The following CTNNA3 variants were observed in gnomAD, a reference collection of about 807,000 sequenced individuals.
CTNNA3 encodes catenin alpha 3, also known as catenin alpha-3.
Under a neutral mutation model 95.7 loss-of-function variants are expected in CTNNA3, and 76 were observed. The observed-to-expected ratio is 0.79, with a 90% CI of 0.66 to 0.96. The LOEUF (loss-of-function observed/expected upper bound fraction) is 0.96. CTNNA3 is among the 40% of genes least tolerant of loss of function. The pLI, the probability that CTNNA3 is intolerant of heterozygous loss-of-function variation, is 0.00. For synonymous variants in CTNNA3, 431 were observed against 374.4 expected, an observed-to-expected ratio of 1.15 and a Z score of -1.74; for missense variants, 1,191 against 1,089.8, an observed-to-expected ratio of 1.09 and a Z score of -1.31.
chr10:67,534,174 T>C (rs6480270), intron 4 of CTNNA3, among the ~76,000 whole-genome samples: 30,037 of 151,788 alleles, frequency 0.2, 4,933 homozygotes, highest in African/African-American at 0.46. Context: ...GTCCTCTGTT[T>C]TGGGGGAAAA....
intron 15 of CTNNA3, among the ~76,000 whole-genome samples, chr10:66,025,590 G>A (rs1005027294): frequency 5.3e-5 from 8 of 152,090 alleles, no homozygotes; most frequent in African/African-American, 1.7e-4. Flanking sequence ...TCACATCTAT[G>A]CTTTGTTCAC....
intron 7 of CTNNA3, among the ~76,000 whole-genome samples, chr10:66,845,206 A>C (rs936671280): frequency 6.6e-6 from 1 of 152,210 alleles, no homozygotes; most frequent in Non-Finnish European, 1.5e-5. Flanking sequence ...AAAGGTATGC[A>C]CTGAATATAA....
At chr10:67,130,328 T>C (rs1045019158) in intron 7 of CTNNA3, among the ~76,000 whole-genome samples, 2 of 152,086 alleles carry the variant, frequency 1.3e-5, no homozygotes, top group African/African-American at 4.8e-5. Flanking sequence ...CTAGATCCAC[T>C]TATAGGGCAG....
chr10:66,667,992 A>G (rs997943618), intron 9 of CTNNA3, among the ~76,000 whole-genome samples: 3 of 152,198 alleles, frequency 2.0e-5, no homozygotes, highest in African/African-American at 7.2e-5. Context: ...TTGATTTACT[A>G]ATAACAAACT....
At chr10:66,637,608 T>C (rs1040399015) in intron 9 of CTNNA3, among the ~76,000 whole-genome samples, 1 of 152,236 alleles carries the variant, frequency 6.6e-6, no homozygotes. Flanking sequence ...GCTCAGTGTA[T>C]GCCGTTTTGT....
chr10:67,604,628 G>C (rs527388724), intron 3 of CTNNA3, among the ~76,000 whole-genome samples: 3 of 152,212 alleles, frequency 2.0e-5, no homozygotes, highest in African/African-American at 4.8e-5. Flanking sequence ...ACTGATAAAA[G>C]AATCTGTACA....
rs59495461 is a variant in CTNNA3 at position 66,942,574 on chromosome 10, CTCTG to C, written c.1048-167054_1048-167051del. ...TCTCTCTCTCTCTCTCTCTCTCTCT[CTCTG>C]TGTGTGTGTATGTGTGTGTGTGTGT... is the stretch of plus-strand genomic sequence containing the variant. On this transcript the variant is annotated intron_variant, in intron 7 of 17. Coordinates refer to ENST00000433211, the MANE Select transcript of CTNNA3 (RefSeq NM_013266.4). Among the ~76,000 whole-genome samples, 831 of 141,732 alleles carry C rather than the reference CTCTG, an allele frequency of 5.9e-3. 8 individuals are homozygous for C. The highest frequency in any genetic ancestry group is 0.02 in the African/African-American group (778 of 38,084). 93.0% of individuals were successfully genotyped at this position (141,732 alleles called of 152,430 possible).
At chr10:66,367,676 C>T (rs1451770754) in intron 12 of CTNNA3, among the ~76,000 whole-genome samples, 2 of 149,182 alleles carry the variant, frequency 1.3e-5, no homozygotes, top group African/African-American at 2.4e-5. Flanking sequence ...AAGCTGATAG[C>T]AGTGGAAGCC....
At chr10:66,722,071 T>A (rs1174120722) in intron 9 of CTNNA3, among the ~76,000 whole-genome samples, 3 of 152,128 alleles carry the variant, frequency 2.0e-5, no homozygotes, top group Non-Finnish European at 4.4e-5. Context: ...TTATCAGCTG[T>A]CTTTTCTTTC....
chr10:67,366,937 TA>T (rs901711477), intron 5 of CTNNA3, among the ~76,000 whole-genome samples: 2 of 150,710 alleles, frequency 1.3e-5, no homozygotes, highest in South Asian at 2.1e-4. Flanking sequence ...TCAAAAAGTT[TA>T]AAAAAAAAGG....
chr10:66,935,625 C>T (rs539202617), intron 7 of CTNNA3, among the ~76,000 whole-genome samples: 31 of 151,526 alleles, frequency 2.0e-4, no homozygotes, highest in Non-Finnish European at 1.5e-4. Flanking sequence ...GTTGTACATG[C>T]CTAAAAAAAT....
intron 5 of CTNNA3, among the ~76,000 whole-genome samples, chr10:67,292,527 C>T (rs959460128): frequency 6.6e-6 from 1 of 151,848 alleles, no homozygotes; most frequent in African/African-American, 2.4e-5. Flanking sequence ...CAAATGATAC[C>T]ACATCATTTT....
At chr10:67,181,277 C>A (rs2127595) in intron 6 of CTNNA3, among the ~76,000 whole-genome samples, 55,629 of 152,050 alleles carry the variant, frequency 0.37, 14,582 homozygotes, top group African/African-American at 0.75. Context: ...GCTATTAGAA[C>A]CTGACACGGT....
Position 66,244,763 on chromosome 10 carries a change from G to C in CTNNA3, c.1884+35707C>G, listed in dbSNP as rs74886114. ...TTTAATATCTGAAAAGCCTTCCCAA[G>C]AAAGATGGGTACACACAAGGCAGAC... On this transcript the variant is annotated intron_variant, in intron 13 of 17. Coordinates refer to ENST00000433211, the MANE Select transcript of CTNNA3 (RefSeq NM_013266.4). Among the ~76,000 whole-genome samples, 95 of 152,228 alleles carry C rather than the reference G, an allele frequency of 6.2e-4. 1 individual carries two copies. In the Middle Eastern group the frequency reaches 0.01, roughly 16 times the overall value.
chr10:66,312,824 C>T (rs1027769019), intron 12 of CTNNA3, among the ~76,000 whole-genome samples: 13 of 152,162 alleles, frequency 8.5e-5, no homozygotes, highest in East Asian at 7.7e-4. Context: ...GGATTACAGG[C>T]GTGAGCTACA....
chr10:67,132,994 A>C (rs948889326), intron 7 of CTNNA3, among the ~76,000 whole-genome samples: 3 of 151,920 alleles, frequency 2.0e-5, no homozygotes, highest in Non-Finnish European at 4.4e-5. Context: ...AATATGTTCT[A>C]ATATTTGATA....
intron 5 of CTNNA3, among the ~76,000 whole-genome samples, chr10:67,477,123 A>G (rs1368025122): frequency 6.6e-6 from 1 of 152,148 alleles, no homozygotes; most frequent in Non-Finnish European, 1.5e-5. Context: ...ACACCCAGGC[A>G]GATCTCAAGG....
chr10:67,272,975 T>C (rs1024016265), intron 5 of CTNNA3, among the ~76,000 whole-genome samples: 4 of 152,166 alleles, frequency 2.6e-5, no homozygotes, highest in African/African-American at 9.6e-5. Context: ...TCAGCTCACA[T>C]GGGTTCCCTC....
In CTNNA3 at chr10:67,727,641, T is replaced by G. The variant is rs189715205; in HGVS notation, c.-2+35793A>C. Among the ~76,000 whole-genome samples the G allele has an allele frequency of 7.9e-3, 1,014 of 128,408 alleles. 17 individuals are homozygous for G. Among genetic ancestry groups the G allele is most frequent in the African/African-American group, 0.027 (948 of 34,518 alleles). The allele number at this position is 128,408 out of a possible 152,430, so 84.2% of individuals were successfully genotyped here. ...AATATATGGTCTATTATATATTATATATTATTATATTATATATGATATATA... is the reference window on the plus strand; with the variant it reads ...AATATATGGTCTATTATATATTATAGATTATTATATTATATATGATATATA... On this transcript the variant is annotated intron_variant, in intron 1 of 17. Transcript: ENST00000684154.
Sources: allele counts gnomAD v4.1 joint callset (sites outside exome capture counted in the v4.1 genomes callset), GRCh38; gene constraint gnomAD v4.1.1; transcripts MANE v1.5; gene names NCBI Gene and HGNC (gene_info 2026-07-23, HGNC 2026-07-21).